ARL1: variants seen among roughly 807,000 people sequenced by gnomAD.
ARL1 encodes the protein ARF like GTPase 1, also known as ADP-ribosylation factor-like protein 1.
In ARL1, 17 loss-of-function variants were observed where a neutral mutation model predicts 30.1. The ratio of observed to expected loss-of-function variants is 0.56; its 90% confidence interval spans 0.39 to 0.85. The LOEUF is 0.85. Among genes scored for constraint, ARL1 ranks in the 40% least tolerant of loss-of-function variants. The probability of loss-of-function intolerance (pLI) is 0.00; values close to 1 mark genes in which losing one functional copy is unlikely to be tolerated. For synonymous variants in ARL1, 58 were observed against 71.7 expected, an observed-to-expected ratio of 0.81 and a Z score of 0.97; for missense variants, 102 against 212.6, an observed-to-expected ratio of 0.48 and a Z score of 3.24.
rs200979843 is a variant in ARL1 at position 101,399,509 on chromosome 12, TAAAAAAAAAAA to T, written c.336+1542_336+1552del. 4.5e-5 allele frequency among the ~76,000 whole-genome samples: 5 copies of T among 110,564 alleles called. No homozygotes were observed. The East Asian group carries it at 1.2e-3, about 27-fold the overall frequency. 72.5% of individuals were successfully genotyped at this position (110,564 alleles called of 152,430 possible). ...CTGGGCGACAGAGCAAGACTCTGTC[TAAAAAAAAAAA>T]AAAAAAAAAAAAAAAAAAAGAATTC... On this transcript the variant is annotated intron_variant, in intron 4 of 5. Transcript: ENST00000261636.
chr12:101,405,776 G>C (rs895891092), intron 2 of ARL1, 68 bp downstream of exon 2: 1 of 1,451,428 alleles, frequency 6.9e-7, no homozygotes, highest in African/African-American at 1.4e-5. Flanking sequence ...AAAAAAGAAA[G>C]AAAGAAATAG....
chr12:101,405,636 C>T (rs920526575), intron 2 of ARL1: 14 of 348,104 alleles, frequency 4.0e-5, no homozygotes, highest in Non-Finnish European at 5.1e-5. Context: ...CAGAAATAGG[C>T]CTGGCATAGT....
At chr12:101,396,277 T>C in intron 5 of ARL1, 122 bp downstream of exon 5, 1 of 1,292,260 alleles carries the variant, frequency 7.7e-7, no homozygotes, top group Non-Finnish European at 1.1e-6. Context: ...GAGGAACTTA[T>C]GAAATAAGCT....
chr12:101,400,078 C>T (rs1282859910), intron 4 of ARL1, among the ~76,000 whole-genome samples: 3 of 152,064 alleles, frequency 2.0e-5, no homozygotes, highest in Admixed American at 6.5e-5. Flanking sequence ...CAGGCACACA[C>T]CACCATGCCC....
chr12:101,401,636 CAAAAAAAAAAA>C (rs758711443), intron 3 of ARL1: 19 of 31,834 alleles, frequency 6.0e-4, no homozygotes, highest in Admixed American at 1.3e-3. Context: ...AACTCTGTCT[CAAAAAAAAAAA>C]AAAAAAAAAA....
At chr12:101,395,887 T>C (rs1242682716) in intron 5 of ARL1, among the ~76,000 whole-genome samples, 1 of 152,210 alleles carries the variant, frequency 6.6e-6, no homozygotes, top group East Asian at 1.9e-4. Flanking sequence ...AATACCTATT[T>C]TCCAGGCTAC....
intron 2 of ARL1, 21 bp downstream of exon 2, chr12:101,405,823 G>A (rs1220594255): frequency 1.6e-5 from 24 of 1,527,730 alleles, no homozygotes; most frequent in Non-Finnish European, 2.1e-5. Context: ...CCTACAATTA[G>A]CTCATCATAC....
chr12:101,395,504 C>A lies in ARL1; in HGVS notation c.*136G>T. On this transcript the variant is annotated 3_prime_UTR_variant, in exon 6 of 6. Transcript: ENST00000261636. ...ACTAAATACTTATTTTCCCTATTTA[C>A]TACAAATATTGCAGTCAGTCAGTAT... 2 of 627,552 alleles carry A rather than the reference C, an allele frequency of 3.2e-6. No homozygotes were observed. The highest frequency in any genetic ancestry group is 5.4e-6 in the Non-Finnish European group (2 of 367,038). The allele number at this position is 627,552 out of a possible 1,614,324, so 38.9% of individuals were successfully genotyped here. A position where few individuals can be genotyped will look rare whatever the true frequency, so the allele number is the denominator to read the frequency against.
rs1337723460 is a variant in ARL1, at chr12:101,401,090, G to T, written c.308C>A (p.Ser103Tyr). 1 of 1,613,466 alleles carries T rather than the reference G, an allele frequency of 6.2e-7. No individual in the cohort carries two copies. The highest frequency in any genetic ancestry group is 8.5e-7 in the Non-Finnish European group (1 of 1,179,678). ...DSCDRDRIGISKSELVAMLEE... is the reference protein window; with the variant it reads ...DSCDRDRIGIYKSELVAMLEE... Reference sequence around the variant, plus strand: ...CAACATGGCAACTAACTCTGATTTGGAAATGCCAATTCGGTCTCGGTCACA... The same window carrying T: ...CAACATGGCAACTAACTCTGATTTGTAAATGCCAATTCGGTCTCGGTCACA... The change falls in exon 4 of 6, where the codon TCC becomes TAC. Residue 103 changes from serine to tyrosine, a missense_variant. Transcript: ENST00000261636.
chr12:101,407,304 G>C, intron 1 of ARL1: 2 of 325,964 alleles, frequency 6.1e-6, no homozygotes, highest in Non-Finnish European at 1.1e-5. Flanking sequence ...GCCAGCCTCC[G>C]CAAGAACAAC....
chr12:101,398,127 G>T (rs761924564), intron 4 of ARL1, among the ~76,000 whole-genome samples: 6 of 151,940 alleles, frequency 3.9e-5, no homozygotes, highest in Non-Finnish European at 7.4e-5. Flanking sequence ...GCCAGGCACG[G>T]TGGCTCACAT....
rs200358299 is a variant in ARL1 at position 101,396,583 on chromosome 12, T to A, written c.337-6A>T. 9 of 1,603,216 alleles carry A rather than the reference T, an allele frequency of 5.6e-6. No individual in the cohort carries two copies. Among genetic ancestry groups the A allele is most frequent in the African/African-American group, 1.3e-5 (1 of 74,450 alleles). On this transcript the variant is annotated splice_region_variant and splice_polypyrimidine_tract_variant and intron_variant, in intron 4 of 5. Coordinates refer to ENST00000261636, the MANE Select transcript of ARL1 (RefSeq NM_001177.6). ...GCTTTTCTCAGCTCTTCTTCCTAAA[T>A]GAAATTGAAAATATTTAATTTCTTT... is the stretch of plus-strand genomic sequence containing the variant.
At chr12:101,397,190 T>C (rs1225010547) in intron 4 of ARL1, among the ~76,000 whole-genome samples, 2 of 152,176 alleles carry the variant, frequency 1.3e-5, no homozygotes, top group African/African-American at 4.8e-5. Flanking sequence ...TCCAGAAAGG[T>C]TACCCTACCA....
At chr12:101,395,696 A>G in intron 5 of ARL1, 26 bp from the exon 6 acceptor site, 1 of 1,497,192 alleles carries the variant, frequency 6.7e-7, no homozygotes, top group East Asian at 2.4e-5. Context: ...GAACTGTTTT[A>G]TAAAATTAAT....
chr12:101,401,700 T>G (rs1176487954), intron 3 of ARL1, among the ~76,000 whole-genome samples: 1 of 151,030 alleles, frequency 6.6e-6, no homozygotes, highest in East Asian at 1.9e-4. Context: ...ACCAGGGAGT[T>G]TCCAAATGAA....
chr12:101,399,449 T>C (rs1442908196), intron 4 of ARL1, among the ~76,000 whole-genome samples: 2 of 144,548 alleles, frequency 1.4e-5, no homozygotes, highest in East Asian at 2.0e-4. Context: ...GAGGCGAAAA[T>C]TGTAGTGAGT....
At chr12:101,404,394 A>C (rs186558908) in intron 2 of ARL1, among the ~76,000 whole-genome samples, 41 of 152,336 alleles carry the variant, frequency 2.7e-4, no homozygotes, top group Middle Eastern at 3.4e-3. Context: ...GTCTCAACAA[A>C]GAGTGTGGTG....
intron 5 of ARL1, 82 bp downstream of exon 5, chr12:101,396,317 A>G (rs1328632129): frequency 1.9e-6 from 3 of 1,558,886 alleles, no homozygotes; most frequent in Non-Finnish European, 2.7e-6. Flanking sequence ...CATCCTCAAC[A>G]CGGGAGAAAA....
chr12:101,399,831 CTTAA>C (rs1871254942), intron 4 of ARL1, among the ~76,000 whole-genome samples: 1 of 152,130 alleles, frequency 6.6e-6, no homozygotes, highest in South Asian at 2.1e-4. Context: ...GTATTGAATT[CTTAA>C]TTAAGTACTA....
Sources: gnomAD v4.1 joint callset for allele counts (sites outside exome capture counted in the v4.1 genomes callset) on GRCh38, gnomAD v4.1.1 for gene constraint, MANE v1.5 for transcripts, NCBI Gene and HGNC (gene_info 2026-07-23, HGNC 2026-07-21) for gene names.